The following PDCD6 variants were observed in gnomAD, a reference collection of about 807,000 sequenced individuals.
The protein encoded by PDCD6 is programmed cell death protein 6.
PDCD6 carries 12 observed loss-of-function variants against 28.3 expected under a neutral mutation model. That is an observed-to-expected ratio of 0.42 (90% CI 0.27 to 0.69). The LOEUF (loss-of-function observed/expected upper bound fraction) is 0.69, where lower values mean the gene tolerates loss of function less well. Among genes scored for constraint, PDCD6 ranks in the 30% least tolerant of loss-of-function variants. The pLI is 0.22. For synonymous variants in PDCD6, 92 were observed against 108.0 expected, an observed-to-expected ratio of 0.85 and a Z score of 0.92; for missense variants, 226 against 269.9, an observed-to-expected ratio of 0.84 and a Z score of 1.14.
At chr5:311,050 C>G (rs1053427348) in intron 4 of PDCD6, 2 of 457,552 alleles carry the variant, frequency 4.4e-6, no homozygotes, top group Non-Finnish European at 7.8e-6. Flanking sequence ...CCACTCACTC[C>G]TCCTTCCGGG....
At chr5:290,076 C>G in intron 2 of PDCD6, 2 of 1,581,294 alleles carry the variant, frequency 1.3e-6, no homozygotes, top group Non-Finnish European at 1.7e-6. Flanking sequence ...TTCTTTCCTT[C>G]ATTTCATCAA....
At chr5:281,440 T>C (rs1195911048) in intron 2 of PDCD6, among the ~76,000 whole-genome samples, 2 of 152,152 alleles carry the variant, frequency 1.3e-5, no homozygotes, top group Non-Finnish European at 2.9e-5. Context: ...CTGCCACTGA[T>C]GTCTTAGGTT....
At chr5:294,385 G>T (rs1739476362) in intron 2 of PDCD6, among the ~76,000 whole-genome samples, 1 of 151,966 alleles carries the variant, frequency 6.6e-6, no homozygotes, top group African/African-American at 2.4e-5. Context: ...ATTAAAGAGA[G>T]GGCAGATATT....
rs557094871 is a variant in PDCD6 at position 295,699 on chromosome 5, C to T, written c.164-8478C>T. 8.2e-5 allele frequency among the ~76,000 whole-genome samples: 12 copies of T among 146,422 alleles called. No homozygotes were observed. The South Asian group carries it at 9.1e-4, about 11-fold the overall frequency. On this transcript the variant is annotated intron_variant, in intron 2 of 5. Coordinates refer to ENST00000264933, the MANE Select transcript of PDCD6 (RefSeq NM_013232.4). ...GTGGGTGGTCCCTGGTGGTCATGAC[C>T]GCACTCAGGGCCCGGGGCCTGCTGA...
At chr5:272,110 G>A (rs900194140) in intron 1 of PDCD6, among the ~76,000 whole-genome samples, 2 of 148,498 alleles carry the variant, frequency 1.3e-5, no homozygotes, top group African/African-American at 5.2e-5. Context: ...TGTGCGTCGG[G>A]CCCTTCCCAA....
chr5:310,447 C>T (rs745950578), intron 4 of PDCD6: 13 of 152,420 alleles, frequency 8.5e-5, no homozygotes, highest in Admixed American at 3.9e-4. Flanking sequence ...GACTGAAAAC[C>T]AGTAGAAATA....
chr5:272,685 C>T (rs1435809432), intron 1 of PDCD6, 26 bp from the exon 2 acceptor site: 3 of 1,555,920 alleles, frequency 1.9e-6, no homozygotes, highest in East Asian at 2.3e-5. Context: ...CGATCGCCAG[C>T]TTATTTGGTC....
chr5:313,134 T>C (rs532693660), intron 5 of PDCD6, among the ~76,000 whole-genome samples: 1 of 152,212 alleles, frequency 6.6e-6, no homozygotes, highest in African/African-American at 2.4e-5. Flanking sequence ...TCCCAGGCTG[T>C]CCCCACCCTT....
rs548930273 is a variant in PDCD6, at chr5:298,569, G to C, written c.164-5608G>C. On this transcript the variant is annotated intron_variant, in intron 2 of 5. Coordinates refer to ENST00000264933, the MANE Select transcript of PDCD6 (RefSeq NM_013232.4). ...GATTAGGGTTCCTCCCGGCCTCGCT[G>C]CTCTCAGGCCCTCAAGGGCTCCTCT... is the stretch of plus-strand genomic sequence containing the variant. Among the ~76,000 whole-genome samples, 6 of 151,172 alleles carry C rather than the reference G, an allele frequency of 4.0e-5. No individual in the cohort carries two copies. In the South Asian group the frequency reaches 8.4e-4, roughly 21 times the overall value.
chr5:273,987 G>T, intron 2 of PDCD6, among the ~76,000 whole-genome samples: 2 of 150,202 alleles, frequency 1.3e-5, no homozygotes, highest in African/African-American at 2.5e-5. Flanking sequence ...GGAAGTGCAA[G>T]ACGTGGCTAC....
intron 2 of PDCD6, among the ~76,000 whole-genome samples, chr5:278,831 G>A (rs559517822): frequency 4.7e-5 from 7 of 147,784 alleles, no homozygotes. Flanking sequence ...TGGGGACACA[G>A]GAGGGTGCTG....
At chr5:276,269 G>A in intron 2 of PDCD6, 3 of 1,128,420 alleles carry the variant, frequency 2.7e-6, no homozygotes, top group Non-Finnish European at 3.3e-6. Flanking sequence ...TCCTGCCATT[G>A]GATCATCGCA....
At chr5:281,876 G>T (rs1274280093) in intron 2 of PDCD6, among the ~76,000 whole-genome samples, 1 of 151,816 alleles carries the variant, frequency 6.6e-6, no homozygotes, top group Non-Finnish European at 1.5e-5. Context: ...TTCGCTTTGA[G>T]GGTCTTTCAG....
chr5:271,917 C>T lies in PDCD6; in HGVS notation c.101+96C>T. 6.9e-6 allele frequency: 4 copies of T among 576,986 alleles called. No homozygotes were observed. The South Asian group carries it at 1.4e-4, about 21-fold the overall frequency. The allele number at this position is 576,986 out of a possible 1,614,324, so 35.7% of individuals were successfully genotyped here. ...CGACCAACCCCGTTCCCTGCCGGTT[C>T]TACTGCGGCCTCCTCCGTCCCCTGT... On this transcript the variant is annotated intron_variant, in intron 1 of 5. Transcript: ENST00000264933.
At chr5:302,988 G>T (rs1462458902) in intron 2 of PDCD6, among the ~76,000 whole-genome samples, 4 of 152,246 alleles carry the variant, frequency 2.6e-5, no homozygotes, top group Non-Finnish European at 4.4e-5. Context: ...AAGTTGGGAG[G>T]TGCTCAGGCG....
At chr5:306,849 A>T (rs1486571056) in intron 4 of PDCD6, 89 bp downstream of exon 4, 1 of 1,321,990 alleles carries the variant, frequency 7.6e-7, no homozygotes, top group African/African-American at 1.4e-5. Flanking sequence ...GACTTAACTG[A>T]TTGTCTAACC....
At position 301,603 on chromosome 5, in the gene PDCD6, A is replaced by G. The variant is rs561783572; in HGVS notation, c.164-2574A>G. Among the ~76,000 whole-genome samples, 26 of 151,754 alleles carry G rather than the reference A, an allele frequency of 1.7e-4. No homozygotes were observed. The East Asian group carries it at 1.7e-3, about 10-fold the overall frequency. ...GCTCGTCGAGTGCTGCTGTGTGTGT[A>G]TGCCTCAGGTTCAGGTGCACCTGCC... On this transcript the variant is annotated intron_variant, in intron 2 of 5. Transcript: ENST00000264933.
chr5:274,689 C>T (rs1738070758), intron 2 of PDCD6, among the ~76,000 whole-genome samples: 1 of 152,108 alleles, frequency 6.6e-6, no homozygotes, highest in South Asian at 2.1e-4. Flanking sequence ...GGGCTAGGCA[C>T]TTAACCCAAA....
chr5:301,652 C>G (rs1740059003), intron 2 of PDCD6, among the ~76,000 whole-genome samples: 1 of 151,366 alleles, frequency 6.6e-6, no homozygotes, highest in Non-Finnish European at 1.5e-5. Flanking sequence ...CACAGCTTCC[C>G]TGCATAACTG....
Sources: allele counts gnomAD v4.1 joint callset (sites outside exome capture counted in the v4.1 genomes callset), GRCh38; gene constraint gnomAD v4.1.1; transcripts MANE v1.5; gene names NCBI Gene and HGNC (gene_info 2026-07-23, HGNC 2026-07-21).